ENTREP2: variants seen among roughly 807,000 people sequenced by gnomAD.
ENTREP2 encodes endosomal transmembrane epsin interactor 2.
the ENTREP2 span, among the ~76,000 whole-genome samples, chr15:29,367,970 G>A: frequency 2.9e-4 from 37 of 128,870 alleles, no homozygotes; most frequent in African/African-American, 9.2e-4. Flanking sequence ...AGAGAAATAT[G>A]AAGATACAAG....
the ENTREP2 span, among the ~76,000 whole-genome samples, chr15:29,586,281 T>C: frequency 2.6e-3 from 388 of 151,694 alleles, 4 homozygotes; most frequent in African/African-American, 9.1e-3. Flanking sequence ...AGAAGGAAAA[T>C]AGATTAATGG....
the ENTREP2 span, among the ~76,000 whole-genome samples, chr15:29,161,310 A>G: frequency 6.6e-6 from 1 of 152,184 alleles, no homozygotes; most frequent in African/African-American, 2.4e-5. Context: ...TTTCTGCCCC[A>G]TAACGCAGCT....
the ENTREP2 span, among the ~76,000 whole-genome samples, chr15:29,392,659 T>C: frequency 6.6e-6 from 1 of 152,210 alleles, no homozygotes; most frequent in Non-Finnish European, 1.5e-5. Context: ...TTCTTTTTAA[T>C]CTTCTTTGAG....
the ENTREP2 span, among the ~76,000 whole-genome samples, chr15:29,471,318 A>G: frequency 5.9e-5 from 9 of 152,264 alleles, no homozygotes; most frequent in Non-Finnish European, 1.3e-4. Flanking sequence ...GAATGTGCAC[A>G]TAGAAAAAGC....
chr15:29,128,121 TCTAA>T, the ENTREP2 span, among the ~76,000 whole-genome samples: 1 of 152,166 alleles, frequency 6.6e-6, no homozygotes, highest in African/African-American at 2.4e-5. Flanking sequence ...ACATGAGTTA[TCTAA>T]CTTTGTTCTC....
chr15:29,378,210 C>G, the ENTREP2 span, among the ~76,000 whole-genome samples: 19 of 106,398 alleles, frequency 1.8e-4, no homozygotes, highest in Non-Finnish European at 1.7e-5. Context: ...TTTAAAAACT[C>G]TTAAAAAAAA....
chr15:29,184,947 G>A, the ENTREP2 span, among the ~76,000 whole-genome samples: 2 of 152,068 alleles, frequency 1.3e-5, no homozygotes, highest in Non-Finnish European at 2.9e-5. Flanking sequence ...GTGGTGGTGT[G>A]TGGCCGTAGT....
chr15:29,598,716 A>G, the ENTREP2 span, among the ~76,000 whole-genome samples: 1 of 137,758 alleles, frequency 7.3e-6, no homozygotes, highest in Non-Finnish European at 1.6e-5. Flanking sequence ...TCTTTTTTTG[A>G]GACGGAGTCT....
the ENTREP2 span, among the ~76,000 whole-genome samples, chr15:29,213,415 A>T: frequency 6.6e-6 from 1 of 152,152 alleles, no homozygotes; most frequent in Non-Finnish European, 1.5e-5. Context: ...GATTCTTCTT[A>T]TCCATGAGCA....
At chr15:29,405,942 C>T in the ENTREP2 span, among the ~76,000 whole-genome samples, 1 of 152,202 alleles carries the variant, frequency 6.6e-6, no homozygotes, top group Admixed American at 6.5e-5. Context: ...CAATATAGAA[C>T]AAGTTAGGAA....
the ENTREP2 span, chr15:29,196,405 C>A: frequency 6.5e-7 from 1 of 1,547,890 alleles, no homozygotes; most frequent in African/African-American, 1.4e-5. Flanking sequence ...GAAATGCATG[C>A]ACAAGCAGCG....
the ENTREP2 span, among the ~76,000 whole-genome samples, chr15:29,410,849 A>C: frequency 2.6e-5 from 4 of 152,152 alleles, no homozygotes; most frequent in Non-Finnish European, 5.9e-5. Flanking sequence ...GCAGTGGCAC[A>C]ATCTCAGCTC....
At chr15:29,170,564 A>G in the ENTREP2 span, among the ~76,000 whole-genome samples, 2 of 152,062 alleles carry the variant, frequency 1.3e-5, no homozygotes, top group Non-Finnish European at 2.9e-5. Flanking sequence ...GAATTCCAAC[A>G]AAGACCACAA....
the ENTREP2 span, among the ~76,000 whole-genome samples, chr15:29,420,138 C>G: frequency 6.6e-6 from 1 of 152,190 alleles, no homozygotes; most frequent in Non-Finnish European, 1.5e-5. Flanking sequence ...TCAAAAGATT[C>G]AGGCACGAGT....
At chr15:29,499,671 C>T in the ENTREP2 span, among the ~76,000 whole-genome samples, 1 of 152,012 alleles carries the variant, frequency 6.6e-6, no homozygotes, top group African/African-American at 2.4e-5. Context: ...CCACCATGCC[C>T]AGTCAAAAAC....
At chr15:29,231,890 C>CTTT in the ENTREP2 span, among the ~76,000 whole-genome samples, 3 of 136,860 alleles carry the variant, frequency 2.2e-5, no homozygotes, top group African/African-American at 8.1e-5. Context: ...CTTTTCTTTT[C>CTTT]TTTCTTTTTT....
chr15:29,383,564 A>C, the ENTREP2 span, among the ~76,000 whole-genome samples: 25 of 152,178 alleles, frequency 1.6e-4, no homozygotes, highest in African/African-American at 6.0e-4. Flanking sequence ...CACTGGCTGG[A>C]AGGGCTTGGC....
the ENTREP2 span, among the ~76,000 whole-genome samples, chr15:29,444,180 A>C: frequency 0.2 from 14,154 of 70,366 alleles, 1,854 homozygotes; most frequent in South Asian, 0.22. Flanking sequence ...CAAAGAAAGA[A>C]AGAAAGAAAG....
the ENTREP2 span, among the ~76,000 whole-genome samples, chr15:29,313,203 C>G: frequency 2.0e-5 from 3 of 152,196 alleles, no homozygotes; most frequent in Admixed American, 6.5e-5. Flanking sequence ...GTTTAAGAAG[C>G]TGAGGCAGCA....
Sources: gnomAD v4.1 joint callset for allele counts (sites outside exome capture counted in the v4.1 genomes callset) on GRCh38, gnomAD v4.1.1 for gene constraint, MANE v1.5 for transcripts, NCBI Gene and HGNC (gene_info 2026-07-23, HGNC 2026-07-21) for gene names.